Variants in MTMR4 observed in about 807,000 individuals in gnomAD.
The protein encoded by MTMR4 is myotubularin related protein 4.
In MTMR4, 30 loss-of-function variants were observed where a neutral mutation model predicts 125.5. The observed-to-expected ratio is 0.24, with a 90% CI of 0.18 to 0.32. The LOEUF (loss-of-function observed/expected upper bound fraction) is 0.32. MTMR4 is among the 10% of genes least tolerant of loss of function. The pLI is 1.00. For synonymous variants in MTMR4, 498 were observed against 564.5 expected (o/e 0.88, Z 1.67); for missense variants, 1,039 against 1,511.5 (o/e 0.69, Z 5.18).
Position 58,514,411 on chromosome 17 carries a change from C to T in MTMR4, c.-4G>A. ...AGACGCGGGCGGTCAGGCTCATGGT[C>T]GCGGGCGGTCTGGGCCAGCGCACAT... On this transcript the variant is annotated 5_prime_UTR_variant, in exon 1 of 18. Coordinates refer to ENST00000682306, the MANE Select transcript of MTMR4 (RefSeq NM_001378067.1). The T allele has an allele frequency of 1.0e-6, 1 of 986,340 alleles. No individual in the cohort carries two copies. The highest frequency in any genetic ancestry group is 1.2e-6 in the Non-Finnish European group (1 of 830,170). 61.1% of individuals were successfully genotyped at this position (986,340 alleles called of 1,614,324 possible).
Position 58,496,299 on chromosome 17 carries a change from G to A in MTMR4, c.1885C>T (p.Leu629Phe). The A allele has an allele frequency of 6.2e-7, 1 of 1,612,106 alleles. No homozygotes were observed. The highest frequency in any genetic ancestry group is 8.5e-7 in the Non-Finnish European group (1 of 1,179,132). Residue 629 changes from leucine (L) to phenylalanine (F), a missense_variant, in exon 15 of 18, where the codon CTT (leucine) becomes TTT (phenylalanine). Around this residue, in one of 6 missense-constraint regions of MTMR4, gnomAD observed 619 missense variants for 714.5 expected, o/e 0.87. Coordinates refer to ENST00000682306, the MANE Select transcript of MTMR4 (RefSeq NM_001378067.1). The part of the protein sequence containing the change: ...LPKTRSMDDL[L>F]SACDTSSPLT... Reference sequence around the variant, plus strand: ...GGGCTGCTTGTGTCACAGGCAGAAAGAAGATCATCCATGGATCTGGTTTTA... The same window carrying A: ...GGGCTGCTTGTGTCACAGGCAGAAAAAAGATCATCCATGGATCTGGTTTTA...
In MTMR4 at chr17:58,514,396, G is replaced by A. The variant is rs907943934; in HGVS notation, c.12C>T (p.Thr4=). 4.0e-5 allele frequency: 39 copies of A among 986,586 alleles called. No individual in the cohort carries two copies. Among genetic ancestry groups the A allele is most frequent in the Non-Finnish European group, 4.5e-5 (37 of 830,262 alleles). The allele number at this position is 986,586 out of a possible 1,614,324, so 61.1% of individuals were successfully genotyped here. A position where few individuals can be genotyped will look rare whatever the true frequency, so the allele number is the denominator to read the frequency against. ...TAAGCATGGAGCAGGAGACGCGGGC[G>A]GTCAGGCTCATGGTCGCGGGCGGTC... MSL[T]ARVSCSMLSC... is the part of the protein sequence containing the mutation. Residue 4 remains threonine (T), a synonymous_variant, in exon 1 of 18, where the codon ACC becomes ACT. Transcript: ENST00000682306.
intron 14 of MTMR4, among the ~76,000 whole-genome samples, chr17:58,499,065 T>G (rs1975549368): frequency 6.6e-6 from 1 of 152,174 alleles, no homozygotes; most frequent in Admixed American, 6.5e-5. Context: ...AGGATCCCAC[T>G]GTCAGCAGAC....
Position 58,492,906 on chromosome 17 carries a change from G to A in MTMR4, c.3299C>T (p.Ser1100Phe). ...TGAAAGGCAGTCTTCACTGTGATCA[G>A]AGCCAAAATCCTCAGTATCACTGCC... ...SDGSDTEDFG[S>F]DHSEDCLSEA... The change falls in exon 16 of 18, where the codon TCT becomes TTT. Residue 1100 changes from serine to phenylalanine, a missense_variant. Ser to Phe is a radical substitution (Grantham distance 155, BLOSUM62 -2). Coordinates refer to ENST00000682306, the MANE Select transcript of MTMR4 (RefSeq NM_001378067.1). The A allele has an allele frequency of 6.2e-7, 1 of 1,614,198 alleles. No homozygotes were observed. The highest frequency in any genetic ancestry group is 8.5e-7 in the Non-Finnish European group (1 of 1,180,022).
At chr17:58,493,936 G>A (rs916637632) in intron 15 of MTMR4, among the ~76,000 whole-genome samples, 13 of 152,208 alleles carry the variant, frequency 8.5e-5, no homozygotes, top group African/African-American at 3.1e-4. Flanking sequence ...ACACTGCACA[G>A]CCTATAGTCT....
At chr17:58,503,600 G>T in intron 14 of MTMR4, 144 bp downstream of exon 14, 1 of 1,025,712 alleles carries the variant, frequency 9.7e-7, no homozygotes, top group Non-Finnish European at 1.4e-6. Flanking sequence ...AGTGAGCCAA[G>T]ATTGCACCAC....
intron 14 of MTMR4, among the ~76,000 whole-genome samples, chr17:58,499,881 C>T (rs545728214): frequency 1.3e-5 from 2 of 151,904 alleles, no homozygotes; most frequent in African/African-American, 4.8e-5. Flanking sequence ...CCGCCCGCCT[C>T]GGCCTCCCAA....
intron 14 of MTMR4, among the ~76,000 whole-genome samples, chr17:58,502,104 T>C (rs1288002296): frequency 6.7e-6 from 1 of 149,204 alleles, no homozygotes; most frequent in Admixed American, 6.7e-5. Flanking sequence ...GTAACCCTAC[T>C]AAACTATGTA....
At chr17:58,507,918 TACACACAC>T (rs57157273) in intron 7 of MTMR4, 34,950 of 337,172 alleles carry the variant, frequency 0.1, 1,148 homozygotes, top group Non-Finnish European at 0.13. Context: ...TACTATTTTA[TACACACAC>T]ACACACACAC....
upstream of MTMR4, chr17:58,516,679 C>A (rs933981125): frequency 9.9e-6 from 14 of 1,419,574 alleles, no homozygotes; most frequent in Non-Finnish European, 1.3e-5. Flanking sequence ...ATAGAATCAA[C>A]AAATGACACA....
At position 58,495,393 on chromosome 17, in the gene MTMR4, A is replaced by G. The variant is rs1821130424; in HGVS notation, c.2791T>C (p.Phe931Leu). The change falls in exon 15 of 18, where the codon TTC becomes CTC. Residue 931 changes from phenylalanine (F) to leucine (L), a missense_variant. This residue lies in a region of MTMR4 where 619 missense variants were observed against 714.5 expected (regional missense o/e 0.87). Coordinates refer to ENST00000682306, the MANE Select transcript of MTMR4 (RefSeq NM_001378067.1). The stretch of plus-strand genomic sequence containing the variant: ...CGAGGGGTGGCCTCCCCACTTGGGA[A>G]TGAAGTCACCATCCCTTGGAAGCTG... Reference protein sequence around the residue: ...WDSFQGMVTSFPSGEATPRRL... With the variant: ...WDSFQGMVTSLPSGEATPRRL... 1.2e-6 allele frequency: 2 copies of G among 1,614,116 alleles called. No homozygotes were observed. The highest frequency in any genetic ancestry group is 2.2e-5 in the South Asian group (2 of 91,090).
chr17:58,513,379 C>T (rs1292942413), intron 1 of MTMR4, among the ~76,000 whole-genome samples: 2 of 152,128 alleles, frequency 1.3e-5, no homozygotes, highest in African/African-American at 2.4e-5. Context: ...GCCTACAAGC[C>T]ACTGAAGCTT....
chr17:58,501,193 CAT>C (rs1975616577), intron 14 of MTMR4, among the ~76,000 whole-genome samples: 2 of 152,128 alleles, frequency 1.3e-5, no homozygotes. Context: ...CAACCAATAA[CAT>C]ATGTTATATT....
At chr17:58,507,457 A>G in intron 7 of MTMR4, 138 bp from the exon 8 acceptor site, 3 of 667,332 alleles carry the variant, frequency 4.5e-6, no homozygotes, top group East Asian at 2.7e-5. Flanking sequence ...AAAAGCCCCA[A>G]CGTCACTAGC....
upstream of MTMR4, among the ~76,000 whole-genome samples, chr17:58,515,429 TG>T (rs1976061062): frequency 2.6e-5 from 4 of 152,222 alleles, no homozygotes; most frequent in South Asian, 8.3e-4. Flanking sequence ...CCAGGGCTTT[TG>T]TCTTGTTTGG....
At chr17:58,500,747 C>CAAA (rs60355286) in intron 14 of MTMR4, among the ~76,000 whole-genome samples, 67 of 92,170 alleles carry the variant, frequency 7.3e-4, no homozygotes, top group African/African-American at 1.1e-3. Flanking sequence ...GATTCTGTCT[C>CAAA]AAAAAAAAAA....
Position 58,492,609 on chromosome 17 carries a change from G to A in MTMR4, c.3364-10C>T, listed in dbSNP as rs1975343860. 6.2e-7 allele frequency: 1 copy of A among 1,612,916 alleles called. No individual in the cohort carries two copies. Among genetic ancestry groups the A allele is most frequent in the East Asian group, 2.2e-5 (1 of 44,874 alleles). On this transcript the variant is annotated splice_polypyrimidine_tract_variant and intron_variant, in intron 16 of 17. Coordinates refer to ENST00000682306, the MANE Select transcript of MTMR4 (RefSeq NM_001378067.1). ...GAACCCAGCGAGTCACCTAATAGAAGGCACAAAGAAAAATTCCTGGTCCTT... is the reference window on the plus strand; with the variant it reads ...GAACCCAGCGAGTCACCTAATAGAAAGCACAAAGAAAAATTCCTGGTCCTT...
At position 58,492,885 on chromosome 17, in the gene MTMR4, A is replaced by G. The variant is rs1975351967; in HGVS notation, c.3320T>C (p.Leu1107Pro). 1 of 1,614,256 alleles carries G rather than the reference A, an allele frequency of 6.2e-7. No homozygotes were observed. The highest frequency in any genetic ancestry group is 8.5e-7 in the Non-Finnish European group (1 of 1,180,052). ...AACAGGTTCCCAGCTTGCTTCTGAA[A>G]GGCAGTCTTCACTGTGATCAGAGCC... ...DFGSDHSEDC[L>P]SEASWEPVDK... The change falls in exon 16 of 18, where the codon CTT becomes CCT. Residue 1107 changes from leucine (L) to proline (P), a missense_variant. By Grantham distance (98) the Leu-to-Pro change is moderately conservative. Transcript: ENST00000682306.
At chr17:58,513,335 TG>T (rs576505516) in intron 1 of MTMR4, among the ~76,000 whole-genome samples, 5 of 152,102 alleles carry the variant, frequency 3.3e-5, no homozygotes, top group Non-Finnish European at 5.9e-5. Flanking sequence ...GAGCCAGGTA[TG>T]GCAGCTGGTT....
Sources: gnomAD v4.1 joint callset for allele counts (sites outside exome capture counted in the v4.1 genomes callset) on GRCh38, gnomAD v4.1.1 for gene constraint, gnomAD v4.1.1 regional missense constraint, MANE v1.5 for transcripts, NCBI Gene and HGNC (gene_info 2026-07-23, HGNC 2026-07-21) for gene names.